The following ARHGEF10 variants were observed in gnomAD, a reference collection of about 807,000 sequenced individuals.
ARHGEF10 encodes Rho guanine nucleotide exchange factor 10.
Under a neutral mutation model 147.4 loss-of-function variants are expected in ARHGEF10, and 140 were observed. The observed-to-expected ratio is 0.95, with a 90% CI of 0.83 to 1.09. The LOEUF (loss-of-function observed/expected upper bound fraction) is 1.09. ARHGEF10 is among the 50% of genes least tolerant of loss of function. ARHGEF10 has a pLI of 0.00. For synonymous variants in ARHGEF10, 902 were observed against 695.8 expected (o/e 1.30, Z -4.67); for missense variants, 2,222 against 1,752.7 (o/e 1.27, Z -4.78).
chr8:1,876,722 C>G lies in ARHGEF10; in HGVS notation c.831C>G (p.Asn277Lys), dbSNP rs756594069. 85 of 1,614,022 alleles carry G rather than the reference C, an allele frequency of 5.3e-5. No homozygotes were observed. The highest frequency in any genetic ancestry group is 6.8e-5 in the Non-Finnish European group (80 of 1,180,028). ...NGIPRSFLRS[N>K]HKKQLSHDLT... is the part of the protein sequence containing the mutation. ...TTCCCAGGTCCTTCCTGCGCAGCAA[C>G]CACAAAAAGCAAGTACGTGTTCCCT... The change falls in exon 8 of 29, where the codon AAC (asparagine) becomes AAG (lysine). Residue 277 changes from asparagine to lysine, a missense_variant. Transcript: ENST00000349830.
chr8:1,927,886 A>T lies in ARHGEF10; in HGVS notation c.2698-541A>T, dbSNP rs572710837. ...AACCCAGGAGGCAGAGGTTGCAGTG[A>T]GCCAAGATCATGCCATTGCACTCCA... is the stretch of plus-strand genomic sequence containing the variant. On this transcript the variant is annotated intron_variant, in intron 23 of 28. Coordinates refer to ENST00000349830, the MANE Select transcript of ARHGEF10 (RefSeq NM_014629.4). 2.0e-5 allele frequency among the ~76,000 whole-genome samples: 3 copies of T among 152,304 alleles called. No homozygotes were observed. The East Asian group carries it at 5.8e-4, about 29-fold the overall frequency.
In ARHGEF10 at chr8:1,928,521, G is replaced by A. The variant is rs1210968830; in HGVS notation, c.2792G>A (p.Arg931His). 2.5e-6 allele frequency: 4 copies of A among 1,614,168 alleles called. No individual in the cohort carries two copies. Among genetic ancestry groups the A allele is most frequent in the South Asian group, 2.2e-5 (2 of 91,086 alleles). Residue 931 changes from arginine (R) to histidine (H), a missense_variant, in exon 24 of 29, where the codon CGC (arginine) becomes CAC (histidine). Transcript: ENST00000349830. ...KVIECFNVES[R>H]ILCMLYVPVE... ...ATTGAGTGCTTCAACGTGGAATCTC[G>A]CATCCTGTGCATGCTGTACGTTCCC...
intron 6 of ARHGEF10, 134 bp from the exon 7 acceptor site, chr8:1,869,058 AAT>A: frequency 2.5e-6 from 2 of 794,324 alleles, no homozygotes; most frequent in Non-Finnish European, 4.3e-6. Flanking sequence ...AAAAGTAAAA[AAT>A]AAAAAAAAAA....
chr8:1,950,954 A>ACGCAGC (rs1814994614), intron 27 of ARHGEF10, among the ~76,000 whole-genome samples: 1 of 151,992 alleles, frequency 6.6e-6, no homozygotes, highest in Admixed American at 6.5e-5. Context: ...CGTTTCAGTC[A>ACGCAGC]CGCAGCCGCA....
In ARHGEF10 at chr8:1,894,488, C is replaced by A; in HGVS notation, c.1356C>A (p.Cys452Ter). 1 of 1,614,206 alleles carries A rather than the reference C, an allele frequency of 6.2e-7. No individual in the cohort carries two copies. Among genetic ancestry groups the A allele is most frequent in the Non-Finnish European group, 8.5e-7 (1 of 1,180,034 alleles). ...ACCGAGTCAAAGAGATCCTGCAGTGCCACTCGCTATTTCAGATCGCGCTGG... is the reference window on the plus strand; with the variant it reads ...ACCGAGTCAAAGAGATCCTGCAGTGACACTCGCTATTTCAGATCGCGCTGG... ...VFYRVKEILQ[C>*]HSLFQIALAS... Residue 452 changes from cysteine (C) to a stop codon, truncating the protein, a stop_gained, in exon 13 of 29, where the codon TGC (cysteine) becomes TGA (stop). Transcript: ENST00000349830. LOFTEE classifies it high-confidence loss of function.
At chr8:1,842,202 G>A (rs1487434817) in intron 1 of ARHGEF10, among the ~76,000 whole-genome samples, 3 of 151,970 alleles carry the variant, frequency 2.0e-5, no homozygotes, top group Non-Finnish European at 4.4e-5. Flanking sequence ...TGGGAATACA[G>A]GAAGGCAGAA....
chr8:1,903,037 T>C lies in ARHGEF10; in HGVS notation c.1651-244T>C, dbSNP rs76188705. ...TCTGAGATTGTGATATGTTCATATT[T>C]AGCGTGTCCTTTATTGTACAGTGCT... On this transcript the variant is annotated intron_variant, in intron 15 of 28. Coordinates refer to ENST00000349830, the MANE Select transcript of ARHGEF10 (RefSeq NM_014629.4). Among the ~76,000 whole-genome samples the C allele has an allele frequency of 2.9e-3, 446 of 152,328 alleles. 3 individuals are homozygous for C. Among genetic ancestry groups the C allele is most frequent in the African/African-American group, 0.01 (430 of 41,576 alleles).
intron 2 of ARHGEF10, among the ~76,000 whole-genome samples, chr8:1,850,118 A>G (rs1804963151): frequency 2.3e-5 from 3 of 128,456 alleles, no homozygotes; most frequent in Admixed American, 7.6e-5. Context: ...GGCTGCATGG[A>G]CACAGAGGGC....
chr8:1,925,530 G>A (rs528702243), intron 22 of ARHGEF10, 126 bp downstream of exon 22: 11 of 1,297,416 alleles, frequency 8.5e-6, no homozygotes, highest in Admixed American at 4.5e-5. Context: ...CACAGTGACC[G>A]CTTCTCTAGA....
intron 18 of ARHGEF10, among the ~76,000 whole-genome samples, chr8:1,914,544 T>G (rs1361136042): frequency 6.6e-6 from 1 of 152,228 alleles, no homozygotes; most frequent in Non-Finnish European, 1.5e-5. Flanking sequence ...TCCTTATGCC[T>G]GTAAGAGTGA....
intron 3 of ARHGEF10, chr8:1,858,782 C>T (rs140354403): frequency 3.6e-4 from 45 of 124,676 alleles, no homozygotes; most frequent in South Asian, 7.5e-4. Context: ...CTCAGTTTGG[C>T]AGCGTTCCTC....
At chr8:1,940,195 A>T (rs1437156850) in intron 26 of ARHGEF10, among the ~76,000 whole-genome samples, 1 of 152,190 alleles carries the variant, frequency 6.6e-6, no homozygotes, top group Non-Finnish European at 1.5e-5. Context: ...GAGTTCTGTC[A>T]TACGCCACGG....
chr8:1,923,248 T>C, intron 19 of ARHGEF10, 169 bp downstream of exon 19: 1 of 867,416 alleles, frequency 1.2e-6, no homozygotes, highest in Non-Finnish European at 1.8e-6. Context: ...TATTTAATGG[T>C]AACTTTTCTT....
chr8:1,920,156 G>A (rs1191876081), intron 18 of ARHGEF10, among the ~76,000 whole-genome samples: 1 of 147,654 alleles, frequency 6.8e-6, no homozygotes, highest in Non-Finnish European at 1.5e-5. Context: ...TCTCCCTCAG[G>A]CTTACTGCGG....
rs1808318070 is a variant in ARHGEF10, at chr8:1,882,746, C to T, written c.1072C>T (p.Gln358Ter). ...SFIRTKSLIAQDHRSSLEEEQ... is the reference protein window; with the variant it reads ...SFIRTKSLIA ...CATCAGGACCAAGTCTCTCATCGCA[C>T]AGGGTCCGTGCCTGCAGGTCTTCTT... The change falls in exon 10 of 29, where the codon CAG becomes TAG. Residue 358 changes from glutamine to a stop codon, truncating the protein, a stop_gained. Transcript: ENST00000349830. LOFTEE classifies it high-confidence loss of function. 1 of 1,517,758 alleles carries T rather than the reference C, an allele frequency of 6.6e-7. No individual in the cohort carries two copies. Among genetic ancestry groups the T allele is most frequent in the Non-Finnish European group, 8.9e-7 (1 of 1,127,882 alleles). 94.0% of individuals were successfully genotyped at this position (1,517,758 alleles called of 1,614,324 possible).
intron 5 of ARHGEF10, among the ~76,000 whole-genome samples, chr8:1,865,735 C>T (rs1350876292): frequency 1.3e-5 from 2 of 152,244 alleles, no homozygotes; most frequent in South Asian, 2.1e-4. Flanking sequence ...CGTTAGTGAC[C>T]CTTCCCATAG....
chr8:1,858,166 G>A, intron 3 of ARHGEF10, 51 bp downstream of exon 3: 2 of 1,548,096 alleles, frequency 1.3e-6, no homozygotes, highest in Non-Finnish European at 8.8e-7. Flanking sequence ...GTCCCCAGGT[G>A]AGTCCCCAGG....
chr8:1,833,621 C>T (rs573124442), intron 1 of ARHGEF10, among the ~76,000 whole-genome samples: 1 of 152,210 alleles, frequency 6.6e-6, no homozygotes, highest in Non-Finnish European at 1.5e-5. Context: ...GCTCTCTGGT[C>T]TCTTCCCAGC....
intron 2 of ARHGEF10, among the ~76,000 whole-genome samples, chr8:1,845,720 G>A (rs529443458): frequency 1.3e-5 from 2 of 152,140 alleles, no homozygotes; most frequent in African/African-American, 2.4e-5. Flanking sequence ...TCTGCCCAGC[G>A]GTACCACCAC....
Sources: allele counts gnomAD v4.1 joint callset (sites outside exome capture counted in the v4.1 genomes callset), GRCh38; gene constraint gnomAD v4.1.1; transcripts MANE v1.5; gene names NCBI Gene and HGNC (gene_info 2026-07-23, HGNC 2026-07-21).